SVEP1: variants seen among roughly 807,000 people sequenced by gnomAD.
SVEP1 encodes sushi, von Willebrand factor type A, EGF and pentraxin domain-containing protein 1.
A neutral mutation model predicts 367.3 loss-of-function variants in SVEP1; 164 were observed. That is an observed-to-expected ratio of 0.45 (90% CI 0.39 to 0.51). The LOEUF (loss-of-function observed/expected upper bound fraction) is 0.51. Ranked by LOEUF, SVEP1 falls within the 20% of genes least tolerant of loss-of-function variation. The pLI, the probability that SVEP1 is intolerant of heterozygous loss-of-function variation, is 0.00. For missense variants in SVEP1, 4,117 were observed against 4,425.3 expected, an observed-to-expected ratio of 0.93 and a Z score of 1.98; for synonymous variants, 1,666 against 1,611.6, an observed-to-expected ratio of 1.03 and a Z score of -0.81.
rs768801977 is a variant in SVEP1, at chr9:110,483,652, G to C, written c.1972C>G (p.Pro658Ala). 5.6e-6 allele frequency: 9 copies of C among 1,611,922 alleles called. No homozygotes were observed. Among genetic ancestry groups the C allele is most frequent in the Non-Finnish European group, 7.6e-6 (9 of 1,178,902 alleles). Residue 658 changes from proline (P) to alanine (A), a missense_variant, in exon 10 of 48, where the codon CCC becomes GCC. Physicochemically the swap from Pro to Ala is conservative, Grantham distance 27 (BLOSUM62 -1). Coordinates refer to ENST00000374469, the MANE Select transcript of SVEP1 (RefSeq NM_153366.4). ...TGTACCTTCTCCGAGACCTGGACGG[G>C]AGGTGGAGATCTGCACCAGTCTATG... ...PVIDWCRSPP[P>A]VQVSEKVHAA... is the part of the protein sequence containing the mutation.
chr9:110,431,505 AT>A (rs964568765), intron 32 of SVEP1, among the ~76,000 whole-genome samples: 2 of 152,104 alleles, frequency 1.3e-5, no homozygotes, highest in African/African-American at 4.8e-5. Context: ...CAAGATGTCT[AT>A]TTTTTTTCAA....
In SVEP1 at chr9:110,476,308, G is replaced by A. The variant is rs1829095745; in HGVS notation, c.2495C>T (p.Ser832Leu). ...AATGTCCTCTGCATCACTACAAAAT[G>A]ATGGGACCTGCAAGTAAAAAATGAA... ...FETTLGKMVPSFCSDAEDIDC... is the reference protein window; with the variant it reads ...FETTLGKMVPLFCSDAEDIDC... Residue 832 changes from serine to leucine, a missense_variant, in exon 14 of 48, where the codon TCA becomes TTA. Around this residue, in one of 4 missense-constraint regions of SVEP1, gnomAD observed 2,174 missense variants for 2,494.3 expected, o/e 0.87. Coordinates refer to ENST00000374469, the MANE Select transcript of SVEP1 (RefSeq NM_153366.4). 6.2e-7 allele frequency: 1 copy of A among 1,611,112 alleles called. No individual in the cohort carries two copies. The highest frequency in any genetic ancestry group is 1.1e-5 in the South Asian group (1 of 90,754).
chr9:110,493,062 G>A (rs900284798), intron 8 of SVEP1, among the ~76,000 whole-genome samples: 2 of 151,948 alleles, frequency 1.3e-5, no homozygotes, highest in African/African-American at 4.8e-5. Context: ...GGCTGAAAGG[G>A]GAGATGGTAG....
intron 3 of SVEP1, among the ~76,000 whole-genome samples, chr9:110,518,157 T>A (rs1475584209): frequency 6.6e-6 from 1 of 152,088 alleles, no homozygotes; most frequent in East Asian, 1.9e-4. Flanking sequence ...GCACGGTGGC[T>A]CACATCTGTA....
At chr9:110,427,782 C>G (rs757576896) in intron 35 of SVEP1, 24 bp from the exon 36 acceptor site, 29 of 1,594,790 alleles carry the variant, frequency 1.8e-5, no homozygotes, top group Non-Finnish European at 2.3e-5. Flanking sequence ...TGATGTTACT[C>G]TTTCATTGGC....
intron 5 of SVEP1, among the ~76,000 whole-genome samples, chr9:110,510,712 C>A (rs949655): frequency 0.027 from 4,169 of 152,320 alleles, 192 homozygotes; most frequent in African/African-American, 0.092. Flanking sequence ...CTGATTTTCT[C>A]ACTCCTCTTT....
At chr9:110,548,745 T>TTA (rs1392232228) in intron 2 of SVEP1, among the ~76,000 whole-genome samples, 1 of 152,176 alleles carries the variant, frequency 6.6e-6, no homozygotes, top group Non-Finnish European at 1.5e-5. Context: ...TCTTGCTGCT[T>TTA]CTAAGCCCTG....
rs1234023294 is a variant in SVEP1 at position 110,483,660 on chromosome 9, G to T, written c.1964C>A (p.Ser655Tyr). ...AEPPVIDWCR[S>Y]PPPVQVSEKV... is the part of the protein sequence containing the mutation. ...CTCCGAGACCTGGACGGGAGGTGGA[G>T]ATCTGCACCAGTCTATGACAGGTGG... The change falls in exon 10 of 48, where the codon TCT becomes TAT. Residue 655 changes from serine (S) to tyrosine (Y), a missense_variant. This residue lies in a region of SVEP1 where 2,174 missense variants were observed against 2,494.3 expected (regional missense o/e 0.87). Coordinates refer to ENST00000374469, the MANE Select transcript of SVEP1 (RefSeq NM_153366.4). 1 of 1,611,618 alleles carries T rather than the reference G, an allele frequency of 6.2e-7. No homozygotes were observed. The highest frequency in any genetic ancestry group is 8.5e-7 in the Non-Finnish European group (1 of 1,178,712).
chr9:110,455,556 T>A, intron 22 of SVEP1, 34 bp downstream of exon 22: 1 of 1,502,630 alleles, frequency 6.7e-7, no homozygotes, highest in Non-Finnish European at 9.2e-7. Flanking sequence ...ATTCAAAGAT[T>A]TATATTGTTG....
At chr9:110,514,338 CCT>C (rs1829767946) in intron 3 of SVEP1, among the ~76,000 whole-genome samples, 1 of 151,684 alleles carries the variant, frequency 6.6e-6, no homozygotes, top group Non-Finnish European at 1.5e-5. Flanking sequence ...ATGATGAAAC[CCT>C]GTCTCTACTA....
chr9:110,372,571 G>A (rs770888300), intron 46 of SVEP1, among the ~76,000 whole-genome samples: 69 of 152,198 alleles, frequency 4.5e-4, no homozygotes, highest in Non-Finnish European at 2.5e-4. Context: ...ATTCTAACTA[G>A]TTGTGTAACG....
At chr9:110,423,378 AGTG>A (rs1209752506) in intron 36 of SVEP1, among the ~76,000 whole-genome samples, 1 of 152,036 alleles carries the variant, frequency 6.6e-6, no homozygotes, top group Non-Finnish European at 1.5e-5. Context: ...AAAAAGAAAT[AGTG>A]GTGAAAAAAT....
intron 1 of SVEP1, among the ~76,000 whole-genome samples, chr9:110,555,788 G>A (rs1312348292): frequency 2.6e-5 from 4 of 152,122 alleles, no homozygotes; most frequent in African/African-American, 9.7e-5. Context: ...AGGAGGGGTG[G>A]GGGATTTACT....
At chr9:110,550,173 G>A (rs988990822) in intron 1 of SVEP1, 69 bp from the exon 2 acceptor site, 36 of 1,574,632 alleles carry the variant, frequency 2.3e-5, no homozygotes, top group Middle Eastern at 1.8e-4. Context: ...CTCTTCTTAC[G>A]TAAGGCAGTA....
chr9:110,430,419 C>T lies in SVEP1; in HGVS notation c.5385G>A (p.Pro1795=), dbSNP rs761511732. ...TCTCACCTGAGGAGTGGCCATTTTC[C>T]GGATTTCCTGGAGCCTTACATTTTA... ...EPIKCKAPGN[P]ENGHSSGEIY... Residue 1795 remains proline, a synonymous_variant, in exon 33 of 48, where the codon CCG becomes CCA. Transcript: ENST00000374469. 31 of 1,612,520 alleles carry T rather than the reference C, an allele frequency of 1.9e-5. No homozygotes were observed. Among genetic ancestry groups the T allele is most frequent in the South Asian group, 4.4e-5 (4 of 90,802 alleles).
intron 47 of SVEP1, among the ~76,000 whole-genome samples, chr9:110,366,782 T>C (rs1827208778): frequency 6.6e-6 from 1 of 152,166 alleles, no homozygotes; most frequent in South Asian, 2.1e-4. Context: ...AGACCTGAGT[T>C]TTACTCTTGA....
rs1271346244 is a variant in SVEP1 at position 110,435,282 on chromosome 9, A to G, written c.4847T>C (p.Val1616Ala). 3.1e-6 allele frequency: 5 copies of G among 1,613,406 alleles called. No homozygotes were observed. In the Admixed American group the frequency reaches 8.3e-5, roughly 27 times the overall value. Reference protein sequence around the residue: ...LAWPDFLSGIVGKVKIDSKSI... With the variant: ...LAWPDFLSGIAGKVKIDSKSI... Reference sequence around the variant, plus strand: ...CTTAGAATCGATCTTCACTTTCCCCACAATTCCTGACAAGAAATCAGGCCA... The same window carrying G: ...CTTAGAATCGATCTTCACTTTCCCCGCAATTCCTGACAAGAAATCAGGCCA... Residue 1616 changes from valine to alanine, a missense_variant, in exon 29 of 48, where the codon GTG becomes GCG. Val to Ala is a moderately conservative substitution (Grantham distance 64). This residue lies in a region of SVEP1 where 2,174 missense variants were observed against 2,494.3 expected (regional missense o/e 0.87). Transcript: ENST00000374469.
At position 110,408,816 on chromosome 9, in the gene SVEP1, G is replaced by A; in HGVS notation, c.6784C>T (p.Leu2262Phe). The A allele has an allele frequency of 6.2e-7, 1 of 1,613,208 alleles. No individual in the cohort carries two copies. Among genetic ancestry groups the A allele is most frequent in the Middle Eastern group, 1.6e-4 (1 of 6,062 alleles). Residue 2262 changes from leucine (L) to phenylalanine (F), a missense_variant, in exon 38 of 48, where the codon CTC becomes TTC. Physicochemically the swap from Leu to Phe is conservative, Grantham distance 22 (BLOSUM62 0). Transcript: ENST00000374469. ...ATCGGGGGAGGTTTTCCACAGTCGA[G>A]AGGAACACACATCAGAGGGGATTCA... ...HSESPLMCVP[L>F]DCGKPPPIQN...
At chr9:110,437,613 C>G (rs11999309) in intron 27 of SVEP1, among the ~76,000 whole-genome samples, 1 of 152,170 alleles carries the variant, frequency 6.6e-6, no homozygotes, top group Non-Finnish European at 1.5e-5. Flanking sequence ...AAGATTCTAC[C>G]CTGTGACTTT....
Sources: gnomAD v4.1 joint callset for allele counts (sites outside exome capture counted in the v4.1 genomes callset) on GRCh38, gnomAD v4.1.1 for gene constraint, gnomAD v4.1.1 regional missense constraint, MANE v1.5 for transcripts, NCBI Gene and HGNC (gene_info 2026-07-23, HGNC 2026-07-21) for gene names.